OTUD7A: variants seen among roughly 807,000 people sequenced by gnomAD.
OTUD7A encodes the protein OTU domain-containing protein 7A.
OTUD7A carries 12 observed loss-of-function variants against 65.7 expected under a neutral mutation model. That is an observed-to-expected ratio of 0.18 (90% CI 0.12 to 0.30). The LOEUF (loss-of-function observed/expected upper bound fraction) is 0.30. Among genes scored for constraint, OTUD7A ranks in the 10% least tolerant of loss-of-function variants. The pLI is 1.00. For synonymous variants in OTUD7A, 641 were observed against 586.3 expected (o/e 1.09, Z -1.35); for missense variants, 1,148 against 1,304.8 (o/e 0.88, Z 1.85).
At chr15:31,647,063 C>A (rs367868440) in intron 3 of OTUD7A, among the ~76,000 whole-genome samples, 2 of 151,898 alleles carry the variant, frequency 1.3e-5, no homozygotes, top group Admixed American at 6.6e-5. Flanking sequence ...ACATTTTTTC[C>A]CCAAATACGT....
At chr15:31,800,389 G>T (rs923613382) in intron 1 of OTUD7A, among the ~76,000 whole-genome samples, 2 of 152,186 alleles carry the variant, frequency 1.3e-5, no homozygotes, top group African/African-American at 4.8e-5. Flanking sequence ...CCAGGGTCCT[G>T]GTGGCCCATG....
At chr15:31,532,403 T>A (rs1403081346) in intron 5 of OTUD7A, among the ~76,000 whole-genome samples, 1 of 151,446 alleles carries the variant, frequency 6.6e-6, no homozygotes, top group Non-Finnish European at 1.5e-5. Context: ...GACTGAAAAA[T>A]ACAACTCTGA....
intron 1 of OTUD7A, chr15:31,768,170 T>A (rs1162063613): frequency 1.3e-6 from 2 of 1,482,964 alleles, no homozygotes; most frequent in Non-Finnish European, 1.9e-6. Flanking sequence ...GGTGGCCCGA[T>A]AAGGCCCGGG....
intron 1 of OTUD7A, among the ~76,000 whole-genome samples, chr15:31,719,187 C>T (rs1168437810): frequency 6.6e-6 from 1 of 152,200 alleles, no homozygotes; most frequent in Admixed American, 6.5e-5. Flanking sequence ...TGCACTCAAG[C>T]GATCTTCAGT....
At chr15:31,486,054 C>T (rs1161966898) in intron 12 of OTUD7A, among the ~76,000 whole-genome samples, 1 of 152,182 alleles carries the variant, frequency 6.6e-6, no homozygotes, top group African/African-American at 2.4e-5. Context: ...AGAGCGGGCT[C>T]AGGAGTCCCT....
At chr15:31,710,850 G>C (rs1017866487) in intron 1 of OTUD7A, among the ~76,000 whole-genome samples, 1 of 152,064 alleles carries the variant, frequency 6.6e-6, no homozygotes, top group African/African-American at 2.4e-5. Context: ...CAAGCATCTG[G>C]GGCCCCCAGG....
In OTUD7A at chr15:31,566,123, A is replaced by G. The variant is rs150315418; in HGVS notation, c.331+3895T>C. On this transcript the variant is annotated intron_variant, in intron 4 of 12. Transcript: ENST00000307050. ...GGAGAATGGTGTGAACCCATGAGGC[A>G]GAGCTTGCAGTGAGCCGAGATTGCG... 4.5e-3 allele frequency among the ~76,000 whole-genome samples: 682 copies of G among 151,872 alleles called. 2 individuals carry two copies. The highest frequency in any genetic ancestry group is 9.4e-3 in the Admixed American group (144 of 15,252).
At position 31,481,436 on chromosome 15, in the gene OTUD7A, A is replaced by T. The variant is rs539214636; in HGVS notation, c.*1858T>A. The T allele has an allele frequency of 6.6e-6, 1 of 152,334 alleles. No individual in the cohort carries two copies. Among genetic ancestry groups the T allele is most frequent in the Admixed American group, 6.5e-5 (1 of 15,298 alleles). The allele number at this position is 152,334 out of a possible 1,614,324, so 9.4% of individuals were successfully genotyped here. ...CACAGACCCTCTCCATGAGATTTTT[A>T]AAAAACCACTTTTGTTTTCTGAGTA... On this transcript the variant is annotated 3_prime_UTR_variant, in exon 13 of 13. Coordinates refer to ENST00000307050, the MANE Select transcript of OTUD7A (RefSeq NM_001382637.1).
chr15:31,767,892 G>A (rs1250389831), intron 1 of OTUD7A: 6 of 1,455,712 alleles, frequency 4.1e-6, no homozygotes, highest in Non-Finnish European at 4.8e-6. Flanking sequence ...AACGTTGCAG[G>A]AAATCTGAAG....
chr15:31,543,374 G>A (rs1888040183), intron 5 of OTUD7A, among the ~76,000 whole-genome samples: 1 of 151,934 alleles, frequency 6.6e-6, no homozygotes, highest in African/African-American at 2.4e-5. Flanking sequence ...GATGTGTAAG[G>A]AGAGAATAAA....
intron 10 of OTUD7A, among the ~76,000 whole-genome samples, chr15:31,490,561 T>G (rs2041305132): frequency 6.6e-6 from 1 of 152,122 alleles, no homozygotes; most frequent in Admixed American, 6.5e-5. Context: ...GAAAGACAGG[T>G]GCCTCCAAGG....
intron 3 of OTUD7A, among the ~76,000 whole-genome samples, chr15:31,623,562 G>T (rs1308093968): frequency 6.6e-6 from 1 of 152,260 alleles, no homozygotes; most frequent in African/African-American, 2.4e-5. Flanking sequence ...GACCCTCCGA[G>T]CCAGGCGTGG....
At chr15:31,802,336 G>A (rs900412108) in intron 1 of OTUD7A, among the ~76,000 whole-genome samples, 2 of 152,042 alleles carry the variant, frequency 1.3e-5, no homozygotes, top group African/African-American at 4.8e-5. Context: ...GGCTAGGCCA[G>A]TCTCTCCTTT....
At chr15:31,824,275 C>T (rs193295863) in intron 1 of OTUD7A, among the ~76,000 whole-genome samples, 145 of 152,338 alleles carry the variant, frequency 9.5e-4, no homozygotes, top group African/African-American at 3.4e-3. Context: ...TCCTGAGCCA[C>T]ATCTCACCCC....
At chr15:31,683,150 T>C (rs1162923990) in intron 1 of OTUD7A, among the ~76,000 whole-genome samples, 2 of 152,220 alleles carry the variant, frequency 1.3e-5, no homozygotes, top group Non-Finnish European at 2.9e-5. Context: ...CCCATATTAG[T>C]GGACTACTTA....
Position 31,501,805 on chromosome 15 carries a change from C to G in OTUD7A, c.1056G>C (p.Leu352=). 1 of 1,613,952 alleles carries G rather than the reference C, an allele frequency of 6.2e-7. No individual in the cohort carries two copies. Among genetic ancestry groups the G allele is most frequent in the Non-Finnish European group, 8.5e-7 (1 of 1,179,882 alleles). The change falls in exon 10 of 13, where the codon CTG becomes CTC. Residue 352 remains leucine, a synonymous_variant. Coordinates refer to ENST00000307050, the MANE Select transcript of OTUD7A (RefSeq NM_001382637.1). ...ATCTGTTGGGAGGGACCTCCAAGGG[C>G]AGGTAGATCCCTCCGAATGGGATGG... ...FAPIPFGGIY[L]PLEVPPNRCH...
chr15:31,816,916 G>A (rs952714316), intron 1 of OTUD7A, among the ~76,000 whole-genome samples: 5 of 152,174 alleles, frequency 3.3e-5, no homozygotes, highest in Non-Finnish European at 5.9e-5. Flanking sequence ...CCGCAAGAAG[G>A]TGTCTGTCAT....
At chr15:31,661,331 A>T (rs1188757999) in intron 1 of OTUD7A, among the ~76,000 whole-genome samples, 1 of 152,236 alleles carries the variant, frequency 6.6e-6, no homozygotes, top group African/African-American at 2.4e-5. Context: ...CGAGTTAAAC[A>T]GTAGTTTAAC....
intron 1 of OTUD7A, among the ~76,000 whole-genome samples, chr15:31,864,760 T>TACACACACAC (rs72128495): frequency 3.4e-5 from 5 of 146,576 alleles, no homozygotes; most frequent in African/African-American, 1.0e-4. Context: ...CTCCTCTTCC[T>TACACACACAC]ACACACACAC....
Sources: allele counts gnomAD v4.1 joint callset (sites outside exome capture counted in the v4.1 genomes callset), GRCh38; gene constraint gnomAD v4.1.1; transcripts MANE v1.5; gene names NCBI Gene and HGNC (gene_info 2026-07-23, HGNC 2026-07-21).